The following RECQL4 variants were observed in gnomAD, a reference collection of about 807,000 sequenced individuals.
RECQL4 encodes RecQ like helicase 4, also known as ATP-dependent DNA helicase Q4.
Under a neutral mutation model 128.6 loss-of-function variants are expected in RECQL4, and 158 were observed. That is an observed-to-expected ratio of 1.23 (90% CI 1.08 to 1.40). The LOEUF (loss-of-function observed/expected upper bound fraction) is 1.40, where lower values mean the gene tolerates loss of function less well. RECQL4 is among the 40% of genes most tolerant of loss of function. The pLI, the probability that RECQL4 is intolerant of heterozygous loss-of-function variation, is 0.00. For synonymous variants in RECQL4, 996 were observed against 678.9 expected, an observed-to-expected ratio of 1.47 and a Z score of -7.26; for missense variants, 2,293 against 1,649.8, an observed-to-expected ratio of 1.39 and a Z score of -6.75.
chr8:144,515,598 T>A, intron 6 of RECQL4, 141 bp from the exon 7 acceptor site: 3 of 1,482,048 alleles, frequency 2.0e-6, no homozygotes, highest in Non-Finnish European at 2.8e-6. Context: ...CAGAAAAGAG[T>A]GACAGCCATC....
In RECQL4 at chr8:144,516,805, C is replaced by T. The variant is rs777648719; in HGVS notation, c.355-41G>A. 44 of 1,504,740 alleles carry T rather than the reference C, an allele frequency of 2.9e-5. No individual in the cohort carries two copies. In the South Asian group the frequency reaches 4.6e-4, roughly 16 times the overall value. 93.2% of individuals were successfully genotyped at this position (1,504,740 alleles called of 1,614,324 possible). ...CAGAACAGCAGGAGGAACTCAGGCCCCTGAGCTACTGTAGACTCTAAAACC... is the reference window on the plus strand; with the variant it reads ...CAGAACAGCAGGAGGAACTCAGGCCTCTGAGCTACTGTAGACTCTAAAACC... On this transcript the variant is annotated intron_variant, in intron 4 of 20. Transcript: ENST00000617875.
chr8:144,514,421 C>G (rs780628820), intron 10 of RECQL4, 21 bp downstream of exon 10: 1 of 1,609,796 alleles, frequency 6.2e-7, no homozygotes, highest in Admixed American at 1.7e-5. Context: ...TCCCTCACCC[C>G]TAGGCCCATG....
Position 144,517,119 on chromosome 8 carries a change from C to G in RECQL4, c.285G>C (p.Gly95=). 1 of 1,612,346 alleles carries G rather than the reference C, an allele frequency of 6.2e-7. No homozygotes were observed. The highest frequency in any genetic ancestry group is 8.5e-7 in the Non-Finnish European group (1 of 1,179,738). The change falls in exon 4 of 21, where the codon GGG becomes GGC. Residue 95 remains glycine (G), a synonymous_variant. Coordinates refer to ENST00000617875, the MANE Select transcript of RECQL4 (RefSeq NM_004260.4). The part of the protein sequence containing the change: ...AATKSPQSTP[G]RSRQGSVPDY... ...CCGGCACCGAGCCCTGGCGGCTCCG[C>G]CCTGGCGTAGACTGTGGACTCTTGG...
rs1827553201 is a variant in RECQL4 at position 144,513,046 on chromosome 8, G to C, written c.2556C>G (p.Ala852=). ...GCGGCCTGGTGCAGGTGCAGGTGCA[G>C]GCTGGGAACACGCGCTGTACCAGCC... ...VKRLVQRVFP[A]CTCTCTRPPS... Residue 852 remains alanine, a synonymous_variant, in exon 15 of 21, where the codon GCC becomes GCG. Coordinates refer to ENST00000617875, the MANE Select transcript of RECQL4 (RefSeq NM_004260.4). 6.3e-7 allele frequency: 1 copy of C among 1,579,270 alleles called. No individual in the cohort carries two copies. Among genetic ancestry groups the C allele is most frequent in the Non-Finnish European group, 8.6e-7 (1 of 1,163,904 alleles).
chr8:144,511,560 G>A lies in RECQL4; in HGVS notation c.3503-5C>T, dbSNP rs539465528. 1.4e-5 allele frequency: 22 copies of A among 1,611,888 alleles called. No homozygotes were observed. The highest frequency in any genetic ancestry group is 6.7e-5 in the African/African-American group (5 of 75,032). ...GGGCCGGGTAGCAGGGGCTTCCTAC[G>A]GTGGAGCCAAGACACAGCCGTGAGC... On this transcript the variant is annotated splice_polypyrimidine_tract_variant and splice_region_variant and intron_variant, in intron 20 of 20. Transcript: ENST00000617875.
In RECQL4 at chr8:144,515,017, C is replaced by A; in HGVS notation, c.1539G>T (p.Gln513His). 12 of 1,610,884 alleles carry A rather than the reference C, an allele frequency of 7.4e-6. No homozygotes were observed. Among genetic ancestry groups the A allele is most frequent in the Non-Finnish European group, 9.3e-6 (11 of 1,179,230 alleles). Residue 513 changes from glutamine to histidine, a missense_variant, in exon 9 of 21, where the codon CAG becomes CAT. Coordinates refer to ENST00000617875, the MANE Select transcript of RECQL4 (RefSeq NM_004260.4). Reference protein sequence around the residue: ...PTGAGKSLCYQLPALLYSRRS... With the variant: ...PTGAGKSLCYHLPALLYSRRS... ...GCCGGCTGTAGAGCAGCGCTGGGAG[C>A]TGGTAGCACAGGGACTTGCCGGCAC...
chr8:144,512,370 T>A, intron 17 of RECQL4, 22 bp downstream of exon 17: 1 of 1,608,790 alleles, frequency 6.2e-7, no homozygotes, highest in Non-Finnish European at 8.5e-7. Context: ...TCCAGGGCGG[T>A]GTGGGGTGGG....
In RECQL4 at chr8:144,513,273, C is replaced by T. The variant is rs1310066948; in HGVS notation, c.2408G>A (p.Gly803Asp). Residue 803 changes from glycine (G) to aspartate (D), a missense_variant, in exon 14 of 21, where the codon GGC (glycine) becomes GAC (aspartate). By Grantham distance (94) the Gly-to-Asp change is moderately conservative. Coordinates refer to ENST00000617875, the MANE Select transcript of RECQL4 (RefSeq NM_004260.4). The part of the protein sequence containing the change: ...PSFESYVQAV[G>D]RAGRDGQPAH... The stretch of plus-strand genomic sequence containing the variant: ...AGGCTGCCCGTCACGCCCGGCCCGG[C>T]CCACGGCCTGCACGTAGCTCTCGAA... 1 of 1,596,238 alleles carries T rather than the reference C, an allele frequency of 6.3e-7. No individual in the cohort carries two copies. Among genetic ancestry groups the T allele is most frequent in the Non-Finnish European group, 8.5e-7 (1 of 1,177,812 alleles).
chr8:144,517,461 C>T lies in RECQL4; in HGVS notation c.166G>A (p.Gly56Ser), dbSNP rs777837612. 6 of 1,595,288 alleles carry T rather than the reference C, an allele frequency of 3.8e-6. No homozygotes were observed. In the African/African-American group the frequency reaches 6.7e-5, roughly 18 times the overall value. The change falls in exon 3 of 21, where the codon GGC becomes AGC. Residue 56 changes from glycine (G) to serine (S), a missense_variant. Gly to Ser is a moderately conservative substitution (Grantham distance 56). Coordinates refer to ENST00000617875, the MANE Select transcript of RECQL4 (RefSeq NM_004260.4). ...RTLKRTTGQAGGGLRSSESLP... is the reference protein window; with the variant it reads ...RTLKRTTGQASGGLRSSESLP... ...GACTCGGAGCTGCGGAGCCCGCCGC[C>T]GGCCTGGCCCGTGGTACGCTTCAGA...
intron 20 of RECQL4, 24 bp from the exon 21 acceptor site, chr8:144,511,579 C>A: frequency 1.2e-6 from 2 of 1,609,650 alleles, no homozygotes; most frequent in Non-Finnish European, 1.7e-6. Context: ...AAGACACAGC[C>A]GTGAGCCCCA....
rs756604801 is a variant in RECQL4 at position 144,512,239 on chromosome 8, C to G, written c.3141G>C (p.Glu1047Asp). 5 of 1,612,352 alleles carry G rather than the reference C, an allele frequency of 3.1e-6. No individual in the cohort carries two copies. The highest frequency in any genetic ancestry group is 4.2e-6 in the Non-Finnish European group (5 of 1,179,688). The change falls in exon 18 of 21, where the codon GAG (glutamate) becomes GAC (aspartate). Residue 1047 changes from glutamate (E) to aspartate (D), a missense_variant. Glu to Asp is a conservative substitution (Grantham distance 45). Transcript: ENST00000617875. ...LRSPGDLTAE[E>D]KDQICDFLYG... is the part of the protein sequence containing the mutation. Reference sequence around the variant, plus strand: ...AGAGGAAGTCACATATCTGGTCCTTCTCCTCAGCGGTCAAGTCCCCCGGGC... The same window carrying G: ...AGAGGAAGTCACATATCTGGTCCTTGTCCTCAGCGGTCAAGTCCCCCGGGC...
chr8:144,515,252 CAG>C lies in RECQL4; in HGVS notation c.1391-12_1391-11del, dbSNP rs556942149. On this transcript the variant is annotated splice_polypyrimidine_tract_variant and intron_variant, in intron 7 of 20. Transcript: ENST00000617875. ...ACCTCAGCCGGCGTCTCTGCAGACACAGATGTTGATCACCATGACTTGAGTCA... is the reference window on the plus strand; with the variant it reads ...ACCTCAGCCGGCGTCTCTGCAGACACATGTTGATCACCATGACTTGAGTCA... The C allele has an allele frequency of 8.3e-5, 133 of 1,602,384 alleles. 3 individuals are homozygous for C. The South Asian group carries it at 1.4e-3, about 17-fold the overall frequency.
At position 144,511,416 on chromosome 8, in the gene RECQL4, C is replaced by T. The variant is rs1827166431; in HGVS notation, c.*15G>A. Reference sequence around the variant, plus strand: ...ACAACCCCAGCTCTACCCGACATCCCCCAATGCAGTGCAGTCAGCGGGCCA... The same window carrying T: ...ACAACCCCAGCTCTACCCGACATCCTCCAATGCAGTGCAGTCAGCGGGCCA... On this transcript the variant is annotated 3_prime_UTR_variant, in exon 21 of 21. Transcript: ENST00000617875. 2 of 1,611,132 alleles carry T rather than the reference C, an allele frequency of 1.2e-6. No individual in the cohort carries two copies. Among genetic ancestry groups the T allele is most frequent in the Admixed American group, 1.7e-5 (1 of 59,966 alleles).
chr8:144,517,390 G>C (rs766005296), intron 3 of RECQL4, 24 bp downstream of exon 3: 2 of 1,547,720 alleles, frequency 1.3e-6, no homozygotes, highest in East Asian at 4.7e-5. Context: ...GTGGGAGGAG[G>C]CTGGGGCGGC....
Position 144,512,617 on chromosome 8 carries a change from C to T in RECQL4, c.2885+25G>A, listed in dbSNP as rs1387876029. 1.9e-6 allele frequency: 3 copies of T among 1,611,534 alleles called. No homozygotes were observed. The Admixed American group carries it at 5.0e-5, about 27-fold the overall frequency. ...AACAGCCCTGATTCTCCAACCTCGT[C>T]TCCAACTGGGCAGGGCGTGCTTACC... On this transcript the variant is annotated intron_variant, in intron 16 of 20. Transcript: ENST00000617875.
Position 144,517,481 on chromosome 8 carries a change from T to C in RECQL4, c.146A>G (p.Lys49Arg), listed in dbSNP as rs1432766447. The C allele has an allele frequency of 2.5e-6, 4 of 1,597,400 alleles. No individual in the cohort carries two copies. The highest frequency in any genetic ancestry group is 3.4e-6 in the Non-Finnish European group (4 of 1,176,464). Residue 49 changes from lysine to arginine, a missense_variant, in exon 3 of 21, where the codon AAG becomes AGG. Coordinates refer to ENST00000617875, the MANE Select transcript of RECQL4 (RefSeq NM_004260.4). ...GCCGCCGGCCTGGCCCGTGGTACGC[T>C]TCAGAGTGCGGTATTCCCGGTAGAG... ...RALYREYRTL[K>R]RTTGQAGGGL...
At chr8:144,511,887 G>C (rs1296019232) in intron 19 of RECQL4, 24 bp downstream of exon 19, 1 of 1,609,902 alleles carries the variant, frequency 6.2e-7, no homozygotes, top group South Asian at 1.1e-5. Context: ...ACCCCGATGA[G>C]CTGCCTGGCC....
In RECQL4 at chr8:144,516,490, G is replaced by A. The variant is rs746917248; in HGVS notation, c.629C>T (p.Pro210Leu). ...DFLGAPKACRPDLGSEESQLL... is the reference protein window; with the variant it reads ...DFLGAPKACRLDLGSEESQLL... ...TTGTGATTCCTCTGAGCCTAGATCA[G>A]GCCTGCAGGCTTTGGGGGCCCCCAG... Residue 210 changes from proline (P) to leucine (L), a missense_variant, in exon 5 of 21, where the codon CCT becomes CTT. Pro to Leu is a moderately conservative substitution (Grantham distance 98). Transcript: ENST00000617875. The A allele has an allele frequency of 6.2e-7, 1 of 1,608,966 alleles. No homozygotes were observed. The highest frequency in any genetic ancestry group is 1.7e-5 in the Admixed American group (1 of 59,926).
intron 9 of RECQL4, 26 bp downstream of exon 9, chr8:144,514,910 G>A (rs759677516): frequency 6.8e-6 from 11 of 1,608,628 alleles, no homozygotes; most frequent in South Asian, 6.6e-5. Context: ...GGCTGTGTAC[G>A]TGTGCCCAGG....
Sources: gnomAD v4.1 joint callset for allele counts on GRCh38, gnomAD v4.1.1 for gene constraint, MANE v1.5 for transcripts, NCBI Gene and HGNC (gene_info 2026-07-23, HGNC 2026-07-21) for gene names.